The following ANKRD12 variants were observed in gnomAD, a reference collection of about 807,000 sequenced individuals.
ANKRD12 encodes the protein ankyrin repeat domain 12.
In ANKRD12, 85 loss-of-function variants were observed where a neutral mutation model predicts 183.4. The ratio of observed to expected loss-of-function variants is 0.46; its 90% CI spans 0.39 to 0.56. ANKRD12 has a LOEUF of 0.56. ANKRD12 is among the 20% of genes least tolerant of loss of function. The pLI, the probability that ANKRD12 is intolerant of heterozygous loss-of-function variation, is 0.00. For synonymous variants in ANKRD12, 914 were observed against 800.2 expected, an observed-to-expected ratio of 1.14 and a Z score of -2.40; for missense variants, 2,405 against 2,357.1, an observed-to-expected ratio of 1.02 and a Z score of -0.42.
At chr18:9,235,692 T>C in intron 8 of ANKRD12, 1 of 456,192 alleles carries the variant, frequency 2.2e-6, no homozygotes, top group Non-Finnish European at 4.4e-6. Flanking sequence ...AGTTGAACTA[T>C]ACCAAGTGTA....
chr18:9,173,724 G>A (rs1400739983), intron 1 of ANKRD12, among the ~76,000 whole-genome samples: 3 of 152,158 alleles, frequency 2.0e-5, no homozygotes, highest in Non-Finnish European at 4.4e-5. Flanking sequence ...GGAGGGACAG[G>A]ATCAGGGACC....
chr18:9,279,332 TA>T (rs1191581818), intron 11 of ANKRD12, among the ~76,000 whole-genome samples: 11 of 152,162 alleles, frequency 7.2e-5, no homozygotes, highest in Non-Finnish European at 1.0e-4. Context: ...TTTTAATTAA[TA>T]ATTAAACCTA....
intron 11 of ANKRD12, 144 bp downstream of exon 11, chr18:9,275,811 A>T (rs1453991422): frequency 8.3e-6 from 6 of 721,320 alleles, no homozygotes; most frequent in African/African-American, 1.8e-5. Context: ...AAGCCAGAGT[A>T]CTTCCAGATC....
chr18:9,273,210 C>T (rs1023170209), intron 10 of ANKRD12, among the ~76,000 whole-genome samples: 19 of 152,158 alleles, frequency 1.2e-4, no homozygotes, highest in African/African-American at 4.6e-4. Context: ...GGGTTGGGAT[C>T]TGCAGCTGGA....
At chr18:9,188,792 C>T (rs947351393) in intron 2 of ANKRD12, among the ~76,000 whole-genome samples, 2 of 152,208 alleles carry the variant, frequency 1.3e-5, no homozygotes, top group African/African-American at 4.8e-5. Context: ...GTGGGCACCA[C>T]ACTGTATGCA....
intron 4 of ANKRD12, among the ~76,000 whole-genome samples, chr18:9,204,931 T>G (rs2035393836): frequency 6.6e-6 from 1 of 152,234 alleles, no homozygotes; most frequent in South Asian, 2.1e-4. Flanking sequence ...TGTACTGATT[T>G]CAATAGACAG....
intron 11 of ANKRD12, 101 bp from the exon 12 acceptor site, chr18:9,279,445 TTCA>T (rs1364479113): frequency 1.4e-6 from 1 of 701,770 alleles, no homozygotes; most frequent in Non-Finnish European, 2.5e-6. Context: ...AAAATATATT[TTCA>T]TCGTTACTAA....
At chr18:9,229,178 T>A (rs1460984657) in intron 8 of ANKRD12, among the ~76,000 whole-genome samples, 1 of 152,170 alleles carries the variant, frequency 6.6e-6, no homozygotes, top group African/African-American at 2.4e-5. Context: ...CTGTGTCTGT[T>A]TTTATACCAA....
At chr18:9,209,211 A>T (rs1281878354) in intron 5 of ANKRD12, among the ~76,000 whole-genome samples, 3 of 152,212 alleles carry the variant, frequency 2.0e-5, no homozygotes, top group Non-Finnish European at 2.9e-5. Flanking sequence ...GCAGGACAAA[A>T]ACAAAAAGGG....
intron 1 of ANKRD12, among the ~76,000 whole-genome samples, chr18:9,139,013 C>G (rs1049874649): frequency 6.6e-6 from 1 of 152,118 alleles, no homozygotes; most frequent in East Asian, 1.9e-4. Flanking sequence ...TGTTCTTAAT[C>G]TTGTATAGTT....
At position 9,182,438 on chromosome 18, in the gene ANKRD12, C is replaced by T. The variant is rs2033766707; in HGVS notation, c.6C>T (p.Pro2=). 1 of 1,609,422 alleles carries T rather than the reference C, an allele frequency of 6.2e-7. No individual in the cohort carries two copies. The highest frequency in any genetic ancestry group is 8.5e-7 in the Non-Finnish European group (1 of 1,177,656). The change falls in exon 2 of 13, where the codon CCC becomes CCT. Residue 2 remains proline (P), a synonymous_variant. Transcript: ENST00000262126. ...GCTAGCTGAACAGCTGTAAAATGCC[C>T]AAATCTGGGTTCACAAAACCAATTC... M[P]KSGFTKPIQS...
At chr18:9,268,297 C>G (rs1018062519) in intron 10 of ANKRD12, among the ~76,000 whole-genome samples, 1 of 152,124 alleles carries the variant, frequency 6.6e-6, no homozygotes, top group African/African-American at 2.4e-5. Context: ...ATACCAAAGC[C>G]TGGCAGAGAC....
chr18:9,257,491 T>C lies in ANKRD12; in HGVS notation c.4224T>C (p.Ser1408=), dbSNP rs2038704999. ...ACAGTCCAGTGCATTTAGAGCCATCTAGTCAGGTTGGTGTGATCCAGAATA... is the reference window on the plus strand; with the variant it reads ...ACAGTCCAGTGCATTTAGAGCCATCCAGTCAGGTTGGTGTGATCCAGAATA... The part of the protein sequence containing the change: ...VMDSPVHLEP[S]SQVGVIQNKS... The change falls in exon 9 of 13, where the codon TCT becomes TCC. Residue 1408 remains serine, a synonymous_variant. Coordinates refer to ENST00000262126, the MANE Select transcript of ANKRD12 (RefSeq NM_015208.5). The C allele has an allele frequency of 1.2e-6, 2 of 1,614,002 alleles. No homozygotes were observed. The highest frequency in any genetic ancestry group is 2.7e-5 in the African/African-American group (2 of 74,918).
chr18:9,238,876 CTT>C (rs2037498983), intron 8 of ANKRD12, among the ~76,000 whole-genome samples: 1 of 152,106 alleles, frequency 6.6e-6, no homozygotes, highest in African/African-American at 2.4e-5. Flanking sequence ...AATCCCAGCA[CTT>C]TGGGAGGCCG....
intron 1 of ANKRD12, among the ~76,000 whole-genome samples, chr18:9,179,766 C>T (rs1425070893): frequency 2.0e-5 from 3 of 152,212 alleles, no homozygotes; most frequent in Admixed American, 6.5e-5. Context: ...TGTCTGCCCA[C>T]CTTGGCCTCC....
At chr18:9,195,499 G>C in intron 2 of ANKRD12, 52 bp from the exon 3 acceptor site, 1 of 1,414,410 alleles carries the variant, frequency 7.1e-7, no homozygotes, top group Admixed American at 2.4e-5. Flanking sequence ...TTTCTATACT[G>C]TATTGCTTAG....
At chr18:9,202,983 T>C (rs2035263968) in intron 3 of ANKRD12, among the ~76,000 whole-genome samples, 1 of 152,238 alleles carries the variant, frequency 6.6e-6, no homozygotes, top group Non-Finnish European at 1.5e-5. Flanking sequence ...CACTGTGGTT[T>C]AATCTATTAA....
In ANKRD12 at chr18:9,256,032, T is replaced by C. The variant is rs768633185; in HGVS notation, c.2765T>C (p.Leu922Pro). ...GAAAAGCCTGAAAAAGAGAGGCATC[T>C]AGCAGAAAGCAAAGAAAAGCACTTG... ...DKEKPEKERH[L>P]AESKEKHLME... Residue 922 changes from leucine (L) to proline (P), a missense_variant, in exon 9 of 13, where the codon CTA becomes CCA. By Grantham distance (98) the Leu-to-Pro change is moderately conservative. Transcript: ENST00000262126. The C allele has an allele frequency of 6.4e-7, 1 of 1,560,572 alleles. No homozygotes were observed. The highest frequency in any genetic ancestry group is 2.1e-5 in the Admixed American group (1 of 46,794).
rs978827233 is a variant in ANKRD12, at chr18:9,282,448, T to C, written c.*1322T>C. On this transcript the variant is annotated 3_prime_UTR_variant, in exon 13 of 13. Transcript: ENST00000262126. The stretch of plus-strand genomic sequence containing the variant: ...AAATAAAACTTGGTATGCTGTTTTA[T>C]AATAAATTAGCAATATACTTTAAAA... The C allele has an allele frequency of 2.6e-5, 4 of 152,596 alleles. No individual in the cohort carries two copies. The highest frequency in any genetic ancestry group is 5.9e-5 in the Non-Finnish European group (4 of 67,996). The allele number at this position is 152,596 out of a possible 1,614,324, so 9.5% of individuals were successfully genotyped here. A position where few individuals can be genotyped will look rare whatever the true frequency, so the allele number is the denominator to read the frequency against.
Sources: allele counts gnomAD v4.1 joint callset (sites outside exome capture counted in the v4.1 genomes callset), GRCh38; gene constraint gnomAD v4.1.1; transcripts MANE v1.5; gene names NCBI Gene and HGNC (gene_info 2026-07-23, HGNC 2026-07-21).